The following EPHA7 variants were observed in gnomAD, a reference collection of about 807,000 sequenced individuals.
EPHA7 encodes the protein EPH receptor A7.
In EPHA7, 25 loss-of-function variants were observed where a neutral mutation model predicts 112.6. That is an observed-to-expected ratio of 0.22 (90% CI 0.16 to 0.31). The LOEUF (loss-of-function observed/expected upper bound fraction) is 0.31, where lower values mean the gene tolerates loss of function less well. Ranked by LOEUF, EPHA7 falls within the 10% of genes least tolerant of loss-of-function variation. The probability of loss-of-function intolerance (pLI) is 1.00; values close to 1 mark genes in which losing one functional copy is unlikely to be tolerated. For synonymous variants in EPHA7, 437 were observed against 406.5 expected, an observed-to-expected ratio of 1.07 and a Z score of -0.90; for missense variants, 962 against 1,212.6, an observed-to-expected ratio of 0.79 and a Z score of 3.07.
chr6:93,366,396 A>G (rs1461800590), intron 3 of EPHA7, among the ~76,000 whole-genome samples: 2 of 152,192 alleles, frequency 1.3e-5, no homozygotes. Flanking sequence ...GTTTTTATTT[A>G]TATTTCTATC....
intron 3 of EPHA7, among the ~76,000 whole-genome samples, chr6:93,394,148 A>C (rs1225288987): frequency 6.6e-6 from 1 of 151,870 alleles, no homozygotes; most frequent in Non-Finnish European, 1.5e-5. Context: ...CCACCATTAC[A>C]ACTACTAACA....
chr6:93,300,517 T>G (rs935803233), intron 5 of EPHA7, among the ~76,000 whole-genome samples: 1 of 152,200 alleles, frequency 6.6e-6, no homozygotes, highest in African/African-American at 2.4e-5. Context: ...TCTGGACATG[T>G]ATAATTTTTT....
chr6:93,320,162 C>T (rs1432682509), intron 5 of EPHA7, among the ~76,000 whole-genome samples: 4 of 151,994 alleles, frequency 2.6e-5, no homozygotes, highest in Admixed American at 6.6e-5. Flanking sequence ...CATTGATTAG[C>T]TAACCTCCTT....
chr6:93,325,679 T>C (rs1774284565), intron 5 of EPHA7, among the ~76,000 whole-genome samples: 1 of 151,316 alleles, frequency 6.6e-6, no homozygotes, highest in East Asian at 1.9e-4. Flanking sequence ...AAAACAGGTG[T>C]ACATTTAACC....
intron 5 of EPHA7, among the ~76,000 whole-genome samples, chr6:93,302,282 GAT>G: frequency 6.6e-6 from 1 of 152,046 alleles, no homozygotes; most frequent in East Asian, 1.9e-4. Context: ...CATTTTTACT[GAT>G]ACTACTCCTG....
At chr6:93,368,536 AG>A (rs1436982520) in intron 3 of EPHA7, among the ~76,000 whole-genome samples, 2 of 152,168 alleles carry the variant, frequency 1.3e-5, no homozygotes, top group African/African-American at 4.8e-5. Flanking sequence ...TTGCAACTTT[AG>A]TCCAATTCGA....
At chr6:93,245,660 T>C (rs1769912489) in intron 15 of EPHA7, among the ~76,000 whole-genome samples, 1 of 152,226 alleles carries the variant, frequency 6.6e-6, no homozygotes, top group Non-Finnish European at 1.5e-5. Context: ...TTTATTTAGA[T>C]ATGATGACCA....
chr6:93,376,123 A>AT (rs989205646), intron 3 of EPHA7, among the ~76,000 whole-genome samples: 5 of 152,032 alleles, frequency 3.3e-5, no homozygotes, highest in East Asian at 3.9e-4. Flanking sequence ...CAGGGGACAC[A>AT]TTTTTTTGTG....
At chr6:93,395,339 T>A (rs573387475) in intron 3 of EPHA7, among the ~76,000 whole-genome samples, 51 of 152,024 alleles carry the variant, frequency 3.4e-4, no homozygotes, top group Non-Finnish European at 5.6e-4. Flanking sequence ...CTTGGAAATT[T>A]ACAGCTTTTA....
At position 93,358,264 on chromosome 6, in the gene EPHA7, G is replaced by A; in HGVS notation, c.980C>T (p.Ala327Val). ...TTCATAATACAACTCACTTGTGCAC[G>A]CAACGTATGGTGGGTCAGATGGAGC... ...YRAPSDPPYV[A>V]CTRPPSAPQN... The change falls in exon 4 of 17, where the codon GCG becomes GTG. Residue 327 changes from alanine to valine, a missense_variant. By Grantham distance (64) the Ala-to-Val change is moderately conservative (BLOSUM62 0). Coordinates refer to ENST00000369303, the MANE Select transcript of EPHA7 (RefSeq NM_004440.4). The A allele has an allele frequency of 3.7e-6, 6 of 1,607,294 alleles. No individual in the cohort carries two copies. The highest frequency in any genetic ancestry group is 5.1e-6 in the Non-Finnish European group (6 of 1,176,336).
rs1270091812 is a variant in EPHA7 at position 93,256,019 on chromosome 6, T to C, written c.2191A>G (p.Thr731Ala). The change falls in exon 13 of 17, where the codon ACA becomes GCA. Residue 731 changes from threonine (T) to alanine (A), a missense_variant. Coordinates refer to ENST00000369303, the MANE Select transcript of EPHA7 (RefSeq NM_004440.4). ...AGCATTCCTACTAACTGAATGACTGTAAATTGCCCATCATGTTTCTGCAGG... is the reference window on the plus strand; with the variant it reads ...AGCATTCCTACTAACTGAATGACTGCAAATTGCCCATCATGTTTCTGCAGG... Reference protein sequence around the residue: ...AFLRKHDGQFTVIQLVGMLRG... With the variant: ...AFLRKHDGQFAVIQLVGMLRG... 6.2e-7 allele frequency: 1 copy of C among 1,614,024 alleles called. No individual in the cohort carries two copies. Among genetic ancestry groups the C allele is most frequent in the Non-Finnish European group, 8.5e-7 (1 of 1,179,978 alleles).
intron 3 of EPHA7, among the ~76,000 whole-genome samples, chr6:93,409,460 T>A (rs1778871426): frequency 6.6e-6 from 1 of 152,012 alleles, no homozygotes; most frequent in Non-Finnish European, 1.5e-5. Context: ...GTAAAGGAAA[T>A]GGAGGATGTC....
At chr6:93,283,516 C>A (rs947388316) in intron 5 of EPHA7, among the ~76,000 whole-genome samples, 1 of 152,074 alleles carries the variant, frequency 6.6e-6, no homozygotes, top group South Asian at 2.1e-4. Context: ...ACAATCAATG[C>A]GAAGGTCTGC....
At chr6:93,255,180 C>A (rs1328802087) in intron 13 of EPHA7, among the ~76,000 whole-genome samples, 1 of 112,620 alleles carries the variant, frequency 8.9e-6, no homozygotes, top group African/African-American at 2.9e-5. Context: ...CCCGTCTCTA[C>A]TAAAAATACA....
At chr6:93,363,835 G>A (rs944453257) in intron 3 of EPHA7, among the ~76,000 whole-genome samples, 3 of 152,124 alleles carry the variant, frequency 2.0e-5, no homozygotes, top group African/African-American at 7.2e-5. Flanking sequence ...ACTACTGAAT[G>A]AATTAGAACA....
chr6:93,381,974 G>A (rs1276371882), intron 3 of EPHA7, among the ~76,000 whole-genome samples: 1 of 152,064 alleles, frequency 6.6e-6, no homozygotes, highest in African/African-American at 2.4e-5. Flanking sequence ...TTCGCCAAAT[G>A]TGTTCACAAA....
intron 5 of EPHA7, among the ~76,000 whole-genome samples, chr6:93,349,317 T>C (rs1775570212): frequency 6.6e-6 from 1 of 151,924 alleles, no homozygotes; most frequent in Non-Finnish European, 1.5e-5. Flanking sequence ...AGTTACTCCT[T>C]GTTTAAGCAA....
intron 5 of EPHA7, among the ~76,000 whole-genome samples, chr6:93,279,668 G>A (rs988065352): frequency 3.9e-5 from 6 of 152,136 alleles, no homozygotes; most frequent in Admixed American, 3.9e-4. Context: ...AGTGCAGGCT[G>A]GCTACTCAAA....
In EPHA7 at chr6:93,414,840, A is replaced by C. The variant is rs975180769; in HGVS notation, c.98-73T>G. The C allele has an allele frequency of 6.0e-6, 7 of 1,162,112 alleles. No homozygotes were observed. The African/African-American group carries it at 7.6e-5, about 13-fold the overall frequency. The allele number at this position is 1,162,112 out of a possible 1,614,324, so 72.0% of individuals were successfully genotyped here. On this transcript the variant is annotated intron_variant, in intron 1 of 16. Coordinates refer to ENST00000369303, the MANE Select transcript of EPHA7 (RefSeq NM_004440.4). ...ACACATGTAGACATTTTTAAGGTGA[A>C]TCTTTTCATATAACTATCACTATAT...
Sources: gnomAD v4.1 joint callset for allele counts (sites outside exome capture counted in the v4.1 genomes callset) on GRCh38, gnomAD v4.1.1 for gene constraint, MANE v1.5 for transcripts, NCBI Gene and HGNC (gene_info 2026-07-23, HGNC 2026-07-21) for gene names.